The following ARSB variants were observed in gnomAD, a reference collection of about 807,000 sequenced individuals.
The protein encoded by ARSB is arylsulfatase B.
ARSB carries 41 observed loss-of-function variants against 50.9 expected under a neutral mutation model. The ratio of observed to expected loss-of-function variants is 0.81; its 90% CI spans 0.63 to 1.04. ARSB has a LOEUF of 1.04. Ranked by LOEUF, ARSB falls within the 50% of genes least tolerant of loss-of-function variation. The pLI is 0.00. For synonymous variants in ARSB, 269 were observed against 284.8 expected (o/e 0.94, Z 0.56); for missense variants, 672 against 693.3 (o/e 0.97, Z 0.35).
intron 3 of ARSB, among the ~76,000 whole-genome samples, chr5:78,957,120 C>A (rs1751764619): frequency 6.9e-6 from 1 of 144,834 alleles, no homozygotes; most frequent in Non-Finnish European, 1.5e-5. Context: ...ATGAGCCTTT[C>A]TGAAGGCATT....
chr5:78,931,877 A>G (rs75912093), intron 4 of ARSB, among the ~76,000 whole-genome samples: 5,199 of 152,048 alleles, frequency 0.034, 309 homozygotes, highest in African/African-American at 0.12. Flanking sequence ...AAGTTCTCAC[A>G]AGAGCTGATG....
chr5:78,784,323 T>G (rs1749020970), intron 6 of ARSB, among the ~76,000 whole-genome samples: 1 of 152,200 alleles, frequency 6.6e-6, no homozygotes, highest in African/African-American at 2.4e-5. Flanking sequence ...CACTAGGTAT[T>G]TATCCAAACG....
chr5:78,852,495 T>C (rs1745868234), intron 5 of ARSB, among the ~76,000 whole-genome samples: 1 of 152,348 alleles, frequency 6.6e-6, no homozygotes, highest in Non-Finnish European at 1.5e-5. Context: ...TAACATTTTT[T>C]CCTTCATTTC....
At chr5:78,869,114 T>C (rs1320687039) in intron 5 of ARSB, among the ~76,000 whole-genome samples, 2 of 146,994 alleles carry the variant, frequency 1.4e-5, no homozygotes, top group African/African-American at 5.2e-5. Flanking sequence ...AAGAGCTAAC[T>C]ATCCTAAATA....
chr5:78,816,145 G>C (rs901550568), intron 6 of ARSB: 1 of 1,614,106 alleles, frequency 6.2e-7, no homozygotes, highest in Non-Finnish European at 8.5e-7. Flanking sequence ...CTTTCCTGAA[G>C]ATATACAGAT....
At chr5:78,910,819 G>A (rs114197316) in intron 4 of ARSB, among the ~76,000 whole-genome samples, 178 of 152,314 alleles carry the variant, frequency 1.2e-3, no homozygotes, top group African/African-American at 4.2e-3. Context: ...TGTGAAAACA[G>A]ACTGCTGGGA....
intron 3 of ARSB, among the ~76,000 whole-genome samples, chr5:78,960,855 A>C (rs1185727084): frequency 6.6e-6 from 1 of 152,112 alleles, no homozygotes; most frequent in African/African-American, 2.4e-5. Context: ...GGGCCAGTGC[A>C]CCCGGCTGAC....
At chr5:78,847,057 G>A (rs1266788646) in intron 5 of ARSB, among the ~76,000 whole-genome samples, 1 of 152,146 alleles carries the variant, frequency 6.6e-6, no homozygotes. Flanking sequence ...CATGTTTATG[G>A]ATTTGTATAT....
rs556029159 is a variant in ARSB, at chr5:78,903,848, A to G, written c.899-18021T>C. On this transcript the variant is annotated intron_variant, in intron 4 of 7. Coordinates refer to ENST00000264914, the MANE Select transcript of ARSB (RefSeq NM_000046.5). ...TCAGATATGAAATCATGTGCTGGTG[A>G]TTTCTTTTTAATTTACATACAGTAA... Among the ~76,000 whole-genome samples, 4 of 152,284 alleles carry G rather than the reference A, an allele frequency of 2.6e-5. No homozygotes were observed. The South Asian group carries it at 8.3e-4, about 32-fold the overall frequency.
At chr5:78,983,359 TG>T (rs1561541268) in intron 1 of ARSB, among the ~76,000 whole-genome samples, 3 of 152,204 alleles carry the variant, frequency 2.0e-5, no homozygotes, top group African/African-American at 7.2e-5. Context: ...GGCCCAGGAA[TG>T]GGTTTCTGAA....
intron 4 of ARSB, among the ~76,000 whole-genome samples, chr5:78,887,633 A>G (rs1227638365): frequency 6.6e-6 from 1 of 152,204 alleles, no homozygotes; most frequent in African/African-American, 2.4e-5. Context: ...TTGTTCTTAA[A>G]ATTTACAACA....
chr5:78,968,323 TA>T (rs1580142015), intron 2 of ARSB, among the ~76,000 whole-genome samples: 1 of 66,726 alleles, frequency 1.5e-5, no homozygotes, highest in East Asian at 2.7e-4. Flanking sequence ...ATTTTATTAT[TA>T]TTATTATTAT....
rs763211071 is a variant in ARSB, at chr5:78,839,470, T to C, written c.1143-44A>G. 4 of 1,513,280 alleles carry C rather than the reference T, an allele frequency of 2.6e-6. No individual in the cohort carries two copies. The South Asian group carries it at 4.5e-5, about 17-fold the overall frequency. The allele number at this position is 1,513,280 out of a possible 1,614,324, so 93.7% of individuals were successfully genotyped here. A position where few individuals can be genotyped will look rare whatever the true frequency, so the allele number is the denominator to read the frequency against. ...GGGAATGTTAATTTCCTCTCTCTAA[T>C]GGGCATGAATTATTTTAATACTTCC... On this transcript the variant is annotated intron_variant, in intron 5 of 7. Coordinates refer to ENST00000264914, the MANE Select transcript of ARSB (RefSeq NM_000046.5).
intron 5 of ARSB, among the ~76,000 whole-genome samples, chr5:78,881,548 C>T (rs934981229): frequency 9.2e-5 from 14 of 152,092 alleles, no homozygotes; most frequent in African/African-American, 3.1e-4. Flanking sequence ...GGAATGAATA[C>T]TTTCAAAGAC....
chr5:78,875,103 A>G (rs1167227895), intron 5 of ARSB, among the ~76,000 whole-genome samples: 1 of 152,168 alleles, frequency 6.6e-6, no homozygotes, highest in African/African-American at 2.4e-5. Flanking sequence ...ACAAATTGAG[A>G]CCTTGTCTCT....
chr5:78,893,859 C>A (rs1297668926), intron 4 of ARSB, among the ~76,000 whole-genome samples: 1 of 152,198 alleles, frequency 6.6e-6, no homozygotes. Flanking sequence ...AATATTTGGT[C>A]TGTCCTTTTT....
intron 4 of ARSB, among the ~76,000 whole-genome samples, chr5:78,925,322 G>A (rs569783750): frequency 6.6e-6 from 1 of 152,166 alleles, no homozygotes; most frequent in African/African-American, 2.4e-5. Context: ...AATCCCTGCA[G>A]AGAAAATAAA....
At chr5:78,850,607 T>C (rs917977762) in intron 5 of ARSB, among the ~76,000 whole-genome samples, 1 of 152,210 alleles carries the variant, frequency 6.6e-6, no homozygotes, top group Non-Finnish European at 1.5e-5. Flanking sequence ...TCTTTTTCTA[T>C]TGATTGGAAT....
chr5:78,859,075 A>G (rs1360718372), intron 5 of ARSB, among the ~76,000 whole-genome samples: 2 of 152,222 alleles, frequency 1.3e-5, no homozygotes, highest in Non-Finnish European at 2.9e-5. Flanking sequence ...AACTCCTTAC[A>G]GGACTTATTT....
Sources: allele counts gnomAD v4.1 joint callset (sites outside exome capture counted in the v4.1 genomes callset), GRCh38; gene constraint gnomAD v4.1.1; transcripts MANE v1.5; gene names NCBI Gene and HGNC (gene_info 2026-07-23, HGNC 2026-07-21).